Variants in TANC2 observed in about 807,000 individuals in gnomAD.
TANC2 encodes tetratricopeptide repeat, ankyrin repeat and coiled-coil containing 2.
In TANC2, 26 loss-of-function variants were observed where a neutral mutation model predicts 210.5. The ratio of observed to expected loss-of-function variants is 0.12; its 90% CI spans 0.09 to 0.17. The LOEUF (loss-of-function observed/expected upper bound fraction) is 0.17. Among genes scored for constraint, TANC2 ranks in the 10% least tolerant of loss-of-function variants. TANC2 has a pLI of 1.00. For synonymous variants in TANC2, 931 were observed against 967.1 expected, an observed-to-expected ratio of 0.96 and a Z score of 0.69; for missense variants, 2,129 against 2,608.9, an observed-to-expected ratio of 0.82 and a Z score of 4.01.
intron 1 of TANC2, among the ~76,000 whole-genome samples, chr17:62,994,480 G>C (rs900355064): frequency 6.6e-6 from 1 of 151,968 alleles, no homozygotes; most frequent in Non-Finnish European, 1.5e-5. Context: ...CATGATGTTA[G>C]CCTCAGGCTT....
intron 6 of TANC2, among the ~76,000 whole-genome samples, chr17:63,199,953 A>T (rs1020761999): frequency 2.0e-5 from 3 of 152,190 alleles, no homozygotes; most frequent in Non-Finnish European, 2.9e-5. Flanking sequence ...TTTTCTCTGC[A>T]TTCATGTATT....
At chr17:63,171,343 A>G (rs1235935158) in intron 5 of TANC2, among the ~76,000 whole-genome samples, 1 of 152,096 alleles carries the variant, frequency 6.6e-6, no homozygotes, top group Non-Finnish European at 1.5e-5. Context: ...TCCGCCTCCC[A>G]AAGTGCTGGG....
At chr17:63,056,035 G>A (rs1164800352) in intron 2 of TANC2, among the ~76,000 whole-genome samples, 2 of 114,096 alleles carry the variant, frequency 1.8e-5, no homozygotes, top group African/African-American at 3.0e-5. Flanking sequence ...GCCAGGGGTG[G>A]TGGCTCCCAC....
chr17:63,037,057 A>C (rs2035001963), intron 2 of TANC2, among the ~76,000 whole-genome samples: 1 of 152,148 alleles, frequency 6.6e-6, no homozygotes, highest in South Asian at 2.1e-4. Context: ...ACAATAGTAA[A>C]ATAGAACAAT....
At chr17:63,299,057 A>C (rs2044626295) in intron 9 of TANC2, among the ~76,000 whole-genome samples, 3 of 152,062 alleles carry the variant, frequency 2.0e-5, no homozygotes, top group Admixed American at 1.3e-4. Context: ...TTTACTGAGG[A>C]TGATGTCTTC....
intron 5 of TANC2, among the ~76,000 whole-genome samples, chr17:63,158,991 T>G (rs1174390300): frequency 6.6e-6 from 1 of 152,232 alleles, no homozygotes; most frequent in African/African-American, 2.4e-5. Context: ...CTCAGTTCCT[T>G]GCTATGTGGG....
chr17:63,063,556 G>C (rs1159412041), intron 2 of TANC2, among the ~76,000 whole-genome samples: 2 of 105,302 alleles, frequency 1.9e-5, no homozygotes, highest in African/African-American at 5.7e-5. Context: ...GTGTGTGTGT[G>C]TGTGTGTGTG....
chr17:63,247,934 A>G (rs1020505203), intron 8 of TANC2, among the ~76,000 whole-genome samples: 3 of 152,092 alleles, frequency 2.0e-5, no homozygotes, highest in African/African-American at 7.2e-5. Flanking sequence ...ATGCTCAGAA[A>G]GAGGCAGAAA....
rs372566904 is a variant in TANC2, at chr17:63,245,942, G to A, written c.1033+7865G>A. Reference sequence around the variant, plus strand: ...CATGAATTGCTTGAACCTGGGAGGCGGAGGTTGCAGTGAGCCAAGATTGCA... The same window carrying A: ...CATGAATTGCTTGAACCTGGGAGGCAGAGGTTGCAGTGAGCCAAGATTGCA... On this transcript the variant is annotated intron_variant, in intron 8 of 27. Coordinates refer to ENST00000689528, the Ensembl canonical transcript of TANC2. 2.4e-4 allele frequency among the ~76,000 whole-genome samples: 36 copies of A among 151,860 alleles called. No individual in the cohort carries two copies. The East Asian group carries it at 6.0e-3, about 25-fold the overall frequency.
intron 7 of TANC2, among the ~76,000 whole-genome samples, chr17:63,229,378 A>C (rs2042410303): frequency 6.6e-6 from 1 of 152,082 alleles, no homozygotes; most frequent in Non-Finnish European, 1.5e-5. Context: ...ATTGGGCTGA[A>C]GTTTTCTTTT....
Position 63,340,093 on chromosome 17 carries a change from T to G in TANC2, c.1576-8T>G, listed in dbSNP as rs761551014. 2 of 1,609,890 alleles carry G rather than the reference T, an allele frequency of 1.2e-6. No individual in the cohort carries two copies. The highest frequency in any genetic ancestry group is 3.3e-5 in the Admixed American group (2 of 60,000). ...AAGCCTGTTTGCATTCTCATCTTTC[T>G]TTTGCAGGTGGTTGCCTATCACTAT... On this transcript the variant is annotated splice_region_variant and splice_polypyrimidine_tract_variant and intron_variant, in intron 11 of 27. Transcript: ENST00000689528.
rs548150880 is a variant in TANC2, at chr17:63,345,625, A to G, written c.1807+5293A>G. 5.3e-3 allele frequency among the ~76,000 whole-genome samples: 809 copies of G among 151,760 alleles called. 4 individuals carry two copies. The highest frequency in any genetic ancestry group is 0.015 in the South Asian group (72 of 4,810). ...CAAGAGCAAAATTCTGTCTCAAAAA[A>G]AAAAAAAAAAAAAACACATAATCCC... On this transcript the variant is annotated intron_variant, in intron 12 of 27. Coordinates refer to ENST00000689528, the Ensembl canonical transcript of TANC2.
intron 9 of TANC2, among the ~76,000 whole-genome samples, chr17:63,299,596 G>A (rs1488896206): frequency 7.0e-6 from 1 of 143,532 alleles, no homozygotes; most frequent in South Asian, 2.2e-4. Context: ...CGAAGTGTCT[G>A]TTCATATCCT....
At chr17:63,027,956 G>A (rs1048009522) in intron 2 of TANC2, among the ~76,000 whole-genome samples, 1 of 151,408 alleles carries the variant, frequency 6.6e-6, no homozygotes. Context: ...TTCTATTCTG[G>A]TTCTATTTGA....
intron 5 of TANC2, chr17:63,153,244 A>G (rs962263974): frequency 1.3e-5 from 2 of 152,186 alleles, no homozygotes; most frequent in African/African-American, 4.8e-5. Context: ...AGTATTATAA[A>G]GTGAAATAAT....
At position 63,412,725 on chromosome 17, in the gene TANC2, G is replaced by A. The variant is rs1466823545; in HGVS notation, c.3928+16G>A. 5.2e-6 allele frequency: 8 copies of A among 1,534,704 alleles called. No individual in the cohort carries two copies. The highest frequency in any genetic ancestry group is 6.1e-6 in the Non-Finnish European group (7 of 1,146,768). On this transcript the variant is annotated intron_variant, in intron 24 of 27. Coordinates refer to ENST00000689528, the Ensembl canonical transcript of TANC2. This position sits in a 1 kb window ranked among gnomAD's most constrained non-coding sequence, Gnocchi z 4.2. ...CGCCCACGAGGTATATTTCACCGCT[G>A]TCAGCATCAGGCGTGGTCTGATGGC...
chr17:63,348,600 C>T (rs1440096131), intron 12 of TANC2, among the ~76,000 whole-genome samples: 1 of 151,890 alleles, frequency 6.6e-6, no homozygotes, highest in African/African-American at 2.4e-5. Flanking sequence ...AGATAATGTC[C>T]CTCCTACTTT....
exon 11 of TANC2, chr17:63,319,020 G>A (rs768874285): frequency 3.1e-6 from 5 of 1,613,714 alleles, no homozygotes; most frequent in Non-Finnish European, 4.2e-6. Flanking sequence ...TCTATCACCA[G>A]TGGAAGCTGC....
chr17:63,200,673 A>G lies in TANC2; in HGVS notation c.583-98A>G, dbSNP rs903705556. 2.0e-5 allele frequency: 21 copies of G among 1,064,652 alleles called. No homozygotes were observed. The Admixed American group carries it at 3.7e-4, about 19-fold the overall frequency. 66.0% of individuals were successfully genotyped at this position (1,064,652 alleles called of 1,614,324 possible). A position where few individuals can be genotyped will look rare whatever the true frequency, so the allele number is the denominator to read the frequency against. On this transcript the variant is annotated intron_variant, in intron 6 of 27. Coordinates refer to ENST00000689528, the Ensembl canonical transcript of TANC2. ...AGCCTAATAGATGTAAAAGCTATGC[A>G]TGTAGTTTTTTTTTTCATCAAAGCA...
Sources: allele counts gnomAD v4.1 joint callset (sites outside exome capture counted in the v4.1 genomes callset), GRCh38; gene constraint gnomAD v4.1.1; non-coding constraint Gnocchi (gnomAD v3.1); transcripts MANE v1.5; gene names NCBI Gene and HGNC (gene_info 2026-07-23, HGNC 2026-07-21).